Variants in ZNF248 observed in about 807,000 individuals in gnomAD.
ZNF248 encodes zinc finger protein 248, also known as KRAB protein domain.
ZNF248 carries 20 observed loss-of-function variants against 44.3 expected under a neutral mutation model. The observed-to-expected ratio is 0.45, with a 90% confidence interval of 0.32 to 0.66. The LOEUF (loss-of-function observed/expected upper bound fraction) is 0.66, where lower values mean the gene tolerates loss of function less well. ZNF248 is among the 30% of genes least tolerant of loss of function. ZNF248 has a pLI of 0.04. For missense variants in ZNF248, 654 were observed against 677.0 expected, an observed-to-expected ratio of 0.97 and a Z score of 0.38; for synonymous variants, 224 against 229.0, an observed-to-expected ratio of 0.98 and a Z score of 0.20.
intron 6 of ZNF248, among the ~76,000 whole-genome samples, chr10:37,788,813 A>T (rs1296038055): frequency 6.6e-6 from 1 of 152,102 alleles, no homozygotes; most frequent in Non-Finnish European, 1.5e-5. Flanking sequence ...TAAAACAATC[A>T]TTTTGTTAAA....
rs1038493241 is a variant in ZNF248 at position 37,830,147 on chromosome 10, T to C, written c.*1468A>G. On this transcript the variant is annotated 3_prime_UTR_variant, in exon 6 of 6. Coordinates refer to ENST00000395867, the MANE Select transcript of ZNF248 (RefSeq NM_021045.3). ...AAAAATCAAGGATATCAAAAGGGCC[T>C]TTCATTACATACCGCCACTTTTTGA... The C allele has an allele frequency of 1.0e-6, 1 of 985,382 alleles. No individual in the cohort carries two copies. Among genetic ancestry groups the C allele is most frequent in the Non-Finnish European group, 1.2e-6 (1 of 829,916 alleles). 61.0% of individuals were successfully genotyped at this position (985,382 alleles called of 1,614,324 possible). A position where few individuals can be genotyped will look rare whatever the true frequency, so the allele number is the denominator to read the frequency against.
At chr10:37,779,090 G>A (rs2046965004) in intron 6 of ZNF248, among the ~76,000 whole-genome samples, 1 of 152,106 alleles carries the variant, frequency 6.6e-6, no homozygotes, top group African/African-American at 2.4e-5. Context: ...GAGGTACAAG[G>A]AGGAACTGGT....
chr10:37,779,296 C>T (rs1453641974), intron 6 of ZNF248, among the ~76,000 whole-genome samples: 2 of 152,328 alleles, frequency 1.3e-5, no homozygotes, highest in South Asian at 2.1e-4. Context: ...TCCAGCAACA[C>T]ATCAAAAAGC....
chr10:37,809,070 T>C (rs1019973241), intron 6 of ZNF248, among the ~76,000 whole-genome samples: 1 of 152,152 alleles, frequency 6.6e-6, no homozygotes. Context: ...AATCAGTATT[T>C]ATATCCCTGT....
chr10:37,820,830 A>C, intron 6 of ZNF248: 1 of 1,182,044 alleles, frequency 8.5e-7, no homozygotes, highest in East Asian at 2.3e-5. Context: ...CAACTCTTGA[A>C]TATTTCCCAT....
chr10:37,831,250 G>A lies in ZNF248; in HGVS notation c.*365C>T, dbSNP rs559613770. On this transcript the variant is annotated 3_prime_UTR_variant, in exon 6 of 6. Transcript: ENST00000395867. Reference sequence around the variant, plus strand: ...TACTCACATAAGGTCTACAAACATCGGGGACTCTTCACATATATGTTTAAT... The same window carrying A: ...TACTCACATAAGGTCTACAAACATCAGGGACTCTTCACATATATGTTTAAT... 4.9e-4 allele frequency: 765 copies of A among 1,548,848 alleles called. No individual in the cohort carries two copies. The highest frequency in any genetic ancestry group is 1.5e-3 in the Admixed American group (74 of 50,898).
At chr10:37,806,224 G>T (rs1564500980) in intron 6 of ZNF248, among the ~76,000 whole-genome samples, 2 of 152,148 alleles carry the variant, frequency 1.3e-5, no homozygotes, top group South Asian at 2.1e-4. Flanking sequence ...TATATACTCA[G>T]AAGTGGAATT....
At chr10:37,800,311 C>A (rs1034650415) in intron 6 of ZNF248, among the ~76,000 whole-genome samples, 1 of 152,120 alleles carries the variant, frequency 6.6e-6, no homozygotes, top group African/African-American at 2.4e-5. Context: ...TTGTTCCTTT[C>A]ATTGTGTTCA....
chr10:37,837,339 T>C (rs1190828439), intron 5 of ZNF248, among the ~76,000 whole-genome samples: 1 of 152,124 alleles, frequency 6.6e-6, no homozygotes, highest in African/African-American at 2.4e-5. Flanking sequence ...AGTCTCGATC[T>C]CTTGACCTCG....
intron 3 of ZNF248, among the ~76,000 whole-genome samples, chr10:37,851,423 T>A (rs971186919): frequency 3.9e-5 from 6 of 152,146 alleles, no homozygotes; most frequent in African/African-American, 1.4e-4. Flanking sequence ...CCTTAGAGAT[T>A]CCAAGCCCCT....
At chr10:37,857,035 A>G (rs2061415012) in intron 1 of ZNF248, 150 bp downstream of exon 1, 1 of 152,348 alleles carries the variant, frequency 6.6e-6, no homozygotes, top group African/African-American at 2.4e-5. Flanking sequence ...GAAGCTCAGC[A>G]GCTCATCTGG....
At chr10:37,850,588 GCA>G (rs1433289131) in intron 3 of ZNF248, among the ~76,000 whole-genome samples, 6 of 152,094 alleles carry the variant, frequency 3.9e-5, no homozygotes, top group Non-Finnish European at 7.4e-5. Flanking sequence ...ATTAGCAGAG[GCA>G]CAGACACATA....
rs187302271 is a variant in ZNF248, at chr10:37,838,375, T to C, written c.16-264A>G. Among the ~76,000 whole-genome samples the C allele has an allele frequency of 1.2e-3, 186 of 152,270 alleles. 2 individuals are homozygous for C. The highest frequency in any genetic ancestry group is 1.5e-3 in the Non-Finnish European group (103 of 68,018). ...GAGTGCTTATGACCTGAAAAGGAGATACACAGAATAACATTTATTAAGTTG... is the reference window on the plus strand; with the variant it reads ...GAGTGCTTATGACCTGAAAAGGAGACACACAGAATAACATTTATTAAGTTG... On this transcript the variant is annotated intron_variant, in intron 3 of 5. Transcript: ENST00000395867.
the ZNF248 span, among the ~76,000 whole-genome samples, chr10:37,768,153 T>A: frequency 6.6e-6 from 1 of 152,052 alleles, no homozygotes; most frequent in Non-Finnish European, 1.5e-5. Flanking sequence ...ACAAAGAAAC[T>A]TAGACTCCCA....
chr10:37,841,627 T>C (rs1385714815), intron 3 of ZNF248, among the ~76,000 whole-genome samples: 1 of 152,152 alleles, frequency 6.6e-6, no homozygotes, highest in Non-Finnish European at 1.5e-5. Flanking sequence ...GTAGCGTAAC[T>C]CTCCACTTCA....
intron 5 of ZNF248, among the ~76,000 whole-genome samples, chr10:37,835,082 G>C (rs1473060916): frequency 6.6e-6 from 1 of 151,886 alleles, no homozygotes; most frequent in Admixed American, 6.6e-5. Context: ...AGCAACTTTA[G>C]GTTAGTTTGT....
At chr10:37,835,920 T>A (rs1226459063) in intron 5 of ZNF248, among the ~76,000 whole-genome samples, 2 of 152,200 alleles carry the variant, frequency 1.3e-5, no homozygotes, top group African/African-American at 4.8e-5. Flanking sequence ...AAAAACAGAC[T>A]CGATTATAAG....
chr10:37,785,379 G>A lies in ZNF248; in HGVS notation c.331-8804C>T, dbSNP rs1378001750. Among the ~76,000 whole-genome samples the A allele has an allele frequency of 3.9e-5, 6 of 152,144 alleles. No homozygotes were observed. In the East Asian group the frequency reaches 1.2e-3, roughly 29 times the overall value. On this transcript the variant is annotated intron_variant, in intron 6 of 6. Transcript: ENST00000615949. ...TGTGACTACAGCTGCCCATGATGTG[G>A]GGTTACTGTCAGACTCACACCAAAT...
rs1052293694 is a variant in ZNF248 at position 37,819,500 on chromosome 10, C to T, written c.330+13525G>A. The T allele has an allele frequency of 1.9e-5, 23 of 1,232,532 alleles. No homozygotes were observed. In the African/African-American group the frequency reaches 3.3e-4, roughly 18 times the overall value. 76.3% of individuals were successfully genotyped at this position (1,232,532 alleles called of 1,614,324 possible). On this transcript the variant is annotated intron_variant, in intron 6 of 6. Transcript: ENST00000615949. ...TAGTTCAAATGCCTTGTAAACTTTA[C>T]TGAAACCTCCTCTATCCAAAAGATG...
Sources: gnomAD v4.1 joint callset for allele counts (sites outside exome capture counted in the v4.1 genomes callset) on GRCh38, gnomAD v4.1.1 for gene constraint, MANE v1.5 for transcripts, NCBI Gene and HGNC (gene_info 2026-07-23, HGNC 2026-07-21) for gene names.